The following WIF1 variants were observed in gnomAD, a reference collection of about 807,000 sequenced individuals.
WIF1 encodes the protein Wnt inhibitory factor 1.
A neutral mutation model predicts 53.5 loss-of-function variants in WIF1; 35 were observed. The observed-to-expected ratio is 0.65, with a 90% CI of 0.50 to 0.87. The LOEUF (loss-of-function observed/expected upper bound fraction) is 0.87. Among genes scored for constraint, WIF1 ranks in the 40% least tolerant of loss-of-function variants. WIF1 has a pLI of 0.00. For missense variants in WIF1, 467 were observed against 476.8 expected, an observed-to-expected ratio of 0.98 and a Z score of 0.19; for synonymous variants, 171 against 170.4, an observed-to-expected ratio of 1.00 and a Z score of -0.03.
At chr12:65,076,553 G>A (rs939511637) in intron 3 of WIF1, among the ~76,000 whole-genome samples, 1 of 152,050 alleles carries the variant, frequency 6.6e-6, no homozygotes, top group Non-Finnish European at 1.5e-5. Flanking sequence ...TCAACTTTTA[G>A]GAATCGATTT....
At chr12:65,100,036 A>G (rs1275046913) in intron 2 of WIF1, among the ~76,000 whole-genome samples, 1 of 152,200 alleles carries the variant, frequency 6.6e-6, no homozygotes, top group Non-Finnish European at 1.5e-5. Context: ...ATATTTATGA[A>G]TAAATGCATG....
At chr12:65,088,294 C>G (rs777199738) in intron 2 of WIF1, among the ~76,000 whole-genome samples, 14 of 152,078 alleles carry the variant, frequency 9.2e-5, no homozygotes, top group Non-Finnish European at 1.6e-4. Context: ...TGTCAATATC[C>G]ACAAAGAAAA....
chr12:65,104,623 C>T (rs949752108), intron 2 of WIF1, among the ~76,000 whole-genome samples: 2 of 152,118 alleles, frequency 1.3e-5, no homozygotes, highest in African/African-American at 2.4e-5. Context: ...AATTAGATAA[C>T]GATGAAAAAT....
chr12:65,100,929 T>C (rs1883273361), intron 2 of WIF1, among the ~76,000 whole-genome samples: 1 of 152,116 alleles, frequency 6.6e-6, no homozygotes, highest in Non-Finnish European at 1.5e-5. Context: ...ACCGAGTATG[T>C]GATAACATGG....
chr12:65,113,600 C>CT (rs71434068), intron 2 of WIF1, among the ~76,000 whole-genome samples: 10,921 of 149,366 alleles, frequency 0.073, 480 homozygotes, highest in East Asian at 0.18. Flanking sequence ...GCAATAAAGT[C>CT]TTTTTTTTTT....
chr12:65,057,833 T>C (rs1446120503), intron 7 of WIF1, among the ~76,000 whole-genome samples: 1 of 152,216 alleles, frequency 6.6e-6, no homozygotes, highest in Non-Finnish European at 1.5e-5. Context: ...AAGTAAATTC[T>C]TTATGAAAAT....
Position 65,050,859 on chromosome 12 carries a change from C to T in WIF1, c.*490G>A, listed in dbSNP as rs1046696082. The T allele has an allele frequency of 1.4e-5, 3 of 208,320 alleles. No individual in the cohort carries two copies. Among genetic ancestry groups the T allele is most frequent in the Non-Finnish European group, 2.9e-5 (3 of 103,170 alleles). 12.9% of individuals were successfully genotyped at this position (208,320 alleles called of 1,614,324 possible). A position where few individuals can be genotyped will look rare whatever the true frequency, so the allele number is the denominator to read the frequency against. ...TGAATCTCTGGAATAATGGTAAGGT[C>T]AAAATATATTGTATTGAGAGTTTAA... On this transcript the variant is annotated 3_prime_UTR_variant, in exon 10 of 10. Coordinates refer to ENST00000286574, the MANE Select transcript of WIF1 (RefSeq NM_007191.5).
intron 2 of WIF1, among the ~76,000 whole-genome samples, chr12:65,084,845 T>G (rs566467711): frequency 1.8e-4 from 27 of 152,296 alleles, no homozygotes; most frequent in African/African-American, 5.5e-4. Flanking sequence ...GTTACTTTTA[T>G]GGGCCAAAAA....
chr12:65,085,636 A>G (rs1260284165), intron 2 of WIF1, among the ~76,000 whole-genome samples: 1 of 152,240 alleles, frequency 6.6e-6, no homozygotes, highest in Non-Finnish European at 1.5e-5. Context: ...CAGGCGATAG[A>G]AGAAACATTG....
intron 2 of WIF1, among the ~76,000 whole-genome samples, chr12:65,110,315 T>C (rs895852495): frequency 7.3e-6 from 1 of 137,898 alleles, no homozygotes; most frequent in Non-Finnish European, 1.6e-5. Flanking sequence ...CTCATTAACA[T>C]TTCCCAGAAT....
rs778639165 is a variant in WIF1, at chr12:65,101,831, C to T, written c.288+18586G>A. On this transcript the variant is annotated intron_variant, in intron 2 of 9. Coordinates refer to ENST00000286574, the MANE Select transcript of WIF1 (RefSeq NM_007191.5). ...CTCCTGAGGTCAGCTCAGTGTGATA[C>T]TCTGAGTTCAGAGAGTGGGACACCA... 5.5e-4 allele frequency among the ~76,000 whole-genome samples: 84 copies of T among 152,198 alleles called. 2 individuals carry two copies. Among genetic ancestry groups the T allele is most frequent in the Non-Finnish European group, 2.5e-4 (17 of 68,042 alleles).
At chr12:65,084,276 A>G (rs537778967) in intron 2 of WIF1, among the ~76,000 whole-genome samples, 1 of 152,126 alleles carries the variant, frequency 6.6e-6, no homozygotes, top group East Asian at 1.9e-4. Flanking sequence ...AAAGTGGCCA[A>G]TACATCAAAT....
At chr12:65,087,900 A>C (rs1883064784) in intron 2 of WIF1, among the ~76,000 whole-genome samples, 2 of 152,178 alleles carry the variant, frequency 1.3e-5, no homozygotes, top group African/African-American at 4.8e-5. Flanking sequence ...AGAAGATTTT[A>C]AGAACAGTCA....
chr12:65,100,609 C>T (rs1883268506), intron 2 of WIF1, among the ~76,000 whole-genome samples: 1 of 152,144 alleles, frequency 6.6e-6, no homozygotes, highest in Non-Finnish European at 1.5e-5. Flanking sequence ...ACTTCTGGAA[C>T]TCAGTCTTAT....
intron 2 of WIF1, among the ~76,000 whole-genome samples, chr12:65,101,474 C>T (rs562332013): frequency 8.7e-4 from 132 of 152,096 alleles, no homozygotes; most frequent in African/African-American, 3.1e-3. Context: ...GAAATCAAGC[C>T]AATAGAGAAA....
intron 6 of WIF1, among the ~76,000 whole-genome samples, chr12:65,064,947 G>T (rs1468107423): frequency 9.2e-5 from 14 of 152,038 alleles, no homozygotes; most frequent in Non-Finnish European, 1.5e-5. Flanking sequence ...TAGTTTTGAG[G>T]CAATAAGAGT....
chr12:65,107,871 G>A (rs1883373363), intron 2 of WIF1, among the ~76,000 whole-genome samples: 1 of 152,134 alleles, frequency 6.6e-6, no homozygotes, highest in South Asian at 2.1e-4. Context: ...GTGGTATAGT[G>A]ACATTTGTCA....
At position 65,112,404 on chromosome 12, in the gene WIF1, T is replaced by TCTCA. The variant is rs1555188370; in HGVS notation, c.288+8012_288+8013insTGAG. Among the ~76,000 whole-genome samples the TCTCA allele has an allele frequency of 3.5e-3, 428 of 123,536 alleles. 4 individuals are homozygous for TCTCA. Among genetic ancestry groups the TCTCA allele is most frequent in the African/African-American group, 0.01 (361 of 34,886 alleles). 81.0% of individuals were successfully genotyped at this position (123,536 alleles called of 152,430 possible). On this transcript the variant is annotated intron_variant, in intron 2 of 9. Transcript: ENST00000286574. ...ATTTTTTTACAGTTCCCTGCTCTAATCACACACACACACACACACACACAC... is the reference window on the plus strand; with the variant it reads ...ATTTTTTTACAGTTCCCTGCTCTAATCTCACACACACACACACACACACACACAC...
At chr12:65,117,447 A>C (rs941530736) in intron 2 of WIF1, among the ~76,000 whole-genome samples, 7 of 152,298 alleles carry the variant, frequency 4.6e-5, no homozygotes. Context: ...ATGCATTTTA[A>C]GTGGCACCAA....
Sources: gnomAD v4.1 joint callset for allele counts (sites outside exome capture counted in the v4.1 genomes callset) on GRCh38, gnomAD v4.1.1 for gene constraint, MANE v1.5 for transcripts, NCBI Gene and HGNC (gene_info 2026-07-23, HGNC 2026-07-21) for gene names.